The following GHR variants were observed in gnomAD, a reference collection of about 807,000 sequenced individuals.
GHR encodes growth hormone receptor.
Under a neutral mutation model 67.1 loss-of-function variants are expected in GHR, and 35 were observed. The ratio of observed to expected loss-of-function variants is 0.52; its 90% confidence interval spans 0.40 to 0.69. The LOEUF (loss-of-function observed/expected upper bound fraction) is 0.69, where lower values mean the gene tolerates loss of function less well. GHR is among the 30% of genes least tolerant of loss of function. GHR has a pLI of 0.00. For missense variants in GHR, 792 were observed against 764.6 expected (o/e 1.04, Z -0.42); for synonymous variants, 272 against 269.1 (o/e 1.01, Z -0.10).
At chr5:42,508,110 C>T (rs937585080) in intron 1 of GHR, among the ~76,000 whole-genome samples, 1 of 152,176 alleles carries the variant, frequency 6.6e-6, no homozygotes, top group Admixed American at 6.5e-5. Context: ...GATTTGCATC[C>T]ATTTTCTGAT....
chr5:42,443,319 A>C (rs1743661404), intron 1 of GHR, among the ~76,000 whole-genome samples: 1 of 152,282 alleles, frequency 6.6e-6, no homozygotes, highest in African/African-American at 2.4e-5. Context: ...TAGTTAGGAA[A>C]ACTTACCTTC....
At chr5:42,511,104 G>C (rs1208862728) in intron 1 of GHR, among the ~76,000 whole-genome samples, 1 of 152,152 alleles carries the variant, frequency 6.6e-6, no homozygotes, top group Non-Finnish European at 1.5e-5. Flanking sequence ...TGCACTCCTT[G>C]GGTCATCTTT....
intron 2 of GHR, among the ~76,000 whole-genome samples, chr5:42,617,816 A>G (rs1305172567): frequency 6.6e-6 from 1 of 152,102 alleles, no homozygotes; most frequent in African/African-American, 2.4e-5. Flanking sequence ...TTTATGTCAT[A>G]TTGTCATCAC....
intron 1 of GHR, among the ~76,000 whole-genome samples, chr5:42,485,295 C>T (rs921996901): frequency 1.3e-5 from 2 of 152,176 alleles, no homozygotes; most frequent in African/African-American, 2.4e-5. Flanking sequence ...CCTGGTCTAG[C>T]TCTATTTCAT....
At chr5:42,646,380 C>T (rs2112806786) in intron 3 of GHR, 1 of 454,278 alleles carries the variant, frequency 2.2e-6, no homozygotes, top group East Asian at 7.0e-5. Flanking sequence ...TTCAGTCTGG[C>T]TCACTGGGTG....
In GHR at chr5:42,521,139, T is replaced by A. The variant is rs149549306; in HGVS notation, c.-11-44725T>A. Among the ~76,000 whole-genome samples the A allele has an allele frequency of 2.1e-3, 316 of 152,292 alleles. 2 individuals carry two copies. Among genetic ancestry groups the A allele is most frequent in the African/African-American group, 7.1e-3 (296 of 41,560 alleles). On this transcript the variant is annotated intron_variant, in intron 1 of 9. Transcript: ENST00000230882. The stretch of plus-strand genomic sequence containing the variant: ...TTTATGGAATGATCAGCTGGATGCG[T>A]ATATGGCAAGTGGCGAGAAGCCAAG...
chr5:42,607,365 G>A (rs909302672), intron 2 of GHR, among the ~76,000 whole-genome samples: 21 of 152,146 alleles, frequency 1.4e-4, no homozygotes, highest in African/African-American at 5.1e-4. Flanking sequence ...AGAAGGTAAA[G>A]CTAGGAGTTG....
intron 2 of GHR, among the ~76,000 whole-genome samples, chr5:42,616,302 G>A (rs1279613644): frequency 6.6e-6 from 1 of 152,010 alleles, no homozygotes; most frequent in Non-Finnish European, 1.5e-5. Flanking sequence ...TATAATAATA[G>A]CAAAGGAGAT....
chr5:42,704,294 C>A (rs995097973), intron 6 of GHR, among the ~76,000 whole-genome samples: 2 of 151,484 alleles, frequency 1.3e-5, no homozygotes, highest in African/African-American at 4.8e-5. Context: ...AGTGCTTCTT[C>A]TGTATCTGTT....
chr5:42,600,213 G>A (rs115720298), intron 2 of GHR, among the ~76,000 whole-genome samples: 65 of 152,284 alleles, frequency 4.3e-4, no homozygotes, highest in South Asian at 1.2e-3. Flanking sequence ...TGGCACAGTG[G>A]GATCTTCTAG....
intron 1 of GHR, among the ~76,000 whole-genome samples, chr5:42,470,150 A>AAAT (rs1744940083): frequency 1.1e-5 from 1 of 93,448 alleles, no homozygotes; most frequent in Non-Finnish European, 2.2e-5. Context: ...AATATACTAT[A>AAAT]TATTATAATA....
chr5:42,512,625 G>A (rs1239502249), intron 1 of GHR, among the ~76,000 whole-genome samples: 1 of 152,016 alleles, frequency 6.6e-6, no homozygotes, highest in African/African-American at 2.4e-5. Context: ...CAACCTACTT[G>A]TTTATGTGTC....
intron 1 of GHR, among the ~76,000 whole-genome samples, chr5:42,453,708 G>A (rs1268085232): frequency 6.6e-6 from 1 of 152,188 alleles, no homozygotes; most frequent in Non-Finnish European, 1.5e-5. Flanking sequence ...TCTTGTGGGC[G>A]ATACTCACCC....
chr5:42,662,502 A>G (rs961492721), intron 3 of GHR, among the ~76,000 whole-genome samples: 1 of 152,240 alleles, frequency 6.6e-6, no homozygotes, highest in African/African-American at 2.4e-5. Flanking sequence ...GTCCTGAATG[A>G]CTACTGGGTA....
intron 2 of GHR, among the ~76,000 whole-genome samples, chr5:42,614,194 T>G (rs1169968019): frequency 6.6e-6 from 1 of 152,086 alleles, no homozygotes; most frequent in Non-Finnish European, 1.5e-5. Flanking sequence ...GGAAGTCTAT[T>G]TATTATTAGT....
chr5:42,633,773 T>A (rs1396550180), intron 3 of GHR, among the ~76,000 whole-genome samples: 1 of 152,204 alleles, frequency 6.6e-6, no homozygotes, highest in East Asian at 1.9e-4. Flanking sequence ...ATCTCCCTTT[T>A]CTCTTATGTA....
At chr5:42,454,961 C>G (rs1326761167) in intron 1 of GHR, among the ~76,000 whole-genome samples, 1 of 152,094 alleles carries the variant, frequency 6.6e-6, no homozygotes, top group African/African-American at 2.4e-5. Context: ...ACCTTGTGCC[C>G]CCTCCCTAAT....
intron 1 of GHR, chr5:42,565,356 G>A: frequency 1.7e-6 from 1 of 582,298 alleles, no homozygotes; most frequent in Non-Finnish European, 2.2e-6. Context: ...CTTTAGGATG[G>A]CTCATTAGCA....
At chr5:42,440,566 T>C (rs921986669) in intron 1 of GHR, among the ~76,000 whole-genome samples, 1 of 152,148 alleles carries the variant, frequency 6.6e-6, no homozygotes, top group African/African-American at 2.4e-5. Context: ...TTTTTACTTA[T>C]CTTAAGAGCA....
Sources: allele counts gnomAD v4.1 joint callset (sites outside exome capture counted in the v4.1 genomes callset), GRCh38; gene constraint gnomAD v4.1.1; transcripts MANE v1.5; gene names NCBI Gene and HGNC (gene_info 2026-07-23, HGNC 2026-07-21).